The following ARL15 variants were observed in gnomAD, a reference collection of about 807,000 sequenced individuals.
ARL15 encodes ARF like GTPase 15.
ARL15 carries 19 observed loss-of-function variants against 25.2 expected under a neutral mutation model. The observed-to-expected ratio is 0.75, with a 90% CI of 0.53 to 1.10. The LOEUF (loss-of-function observed/expected upper bound fraction) is 1.10. Ranked by LOEUF, ARL15 falls within the 50% of genes least tolerant of loss-of-function variation. The probability of loss-of-function intolerance (pLI) is 0.00; values close to 1 mark genes in which losing one functional copy is unlikely to be tolerated. For synonymous variants in ARL15, 94 were observed against 86.8 expected (o/e 1.08, Z -0.46); for missense variants, 220 against 246.0 (o/e 0.89, Z 0.71).
At chr5:54,018,956 G>A (rs1269390243) in intron 4 of ARL15, among the ~76,000 whole-genome samples, 1 of 152,088 alleles carries the variant, frequency 6.6e-6, no homozygotes, top group African/African-American at 2.4e-5. Context: ...AATGCATGTA[G>A]GCTAAATTAA....
intron 4 of ARL15, among the ~76,000 whole-genome samples, chr5:53,897,634 T>C (rs1744916232): frequency 6.6e-6 from 1 of 152,246 alleles, no homozygotes; most frequent in African/African-American, 2.4e-5. Flanking sequence ...GTCAAATGCT[T>C]TTCCTGCATT....
chr5:54,055,179 C>A (rs1377667522), intron 4 of ARL15, among the ~76,000 whole-genome samples: 1 of 152,144 alleles, frequency 6.6e-6, no homozygotes, highest in African/African-American at 2.4e-5. Context: ...CTCCCTGGCC[C>A]TAGGCAACCA....
intron 1 of ARL15, among the ~76,000 whole-genome samples, chr5:54,233,247 G>C (rs746989611): frequency 4.6e-5 from 7 of 152,140 alleles, no homozygotes; most frequent in Non-Finnish European, 1.0e-4. Flanking sequence ...AAGTACTCGT[G>C]AACCTAACTA....
chr5:54,106,334 G>A (rs1185566027), intron 4 of ARL15, among the ~76,000 whole-genome samples: 1 of 152,152 alleles, frequency 6.6e-6, no homozygotes, highest in Non-Finnish European at 1.5e-5. Flanking sequence ...TGAGTAAAGA[G>A]AGAGTAAGGA....
chr5:53,993,702 C>G (rs145314068), intron 4 of ARL15, among the ~76,000 whole-genome samples: 1 of 152,162 alleles, frequency 6.6e-6, no homozygotes, highest in Admixed American at 6.5e-5. Context: ...AAGCCTCCCA[C>G]ACAATTCTAG....
intron 4 of ARL15, among the ~76,000 whole-genome samples, chr5:53,929,925 G>A (rs778003036): frequency 3.9e-5 from 6 of 152,012 alleles, no homozygotes; most frequent in Non-Finnish European, 7.3e-5. Context: ...AACCTGAAGT[G>A]CTCTCTTTAC....
chr5:53,970,366 G>A lies in ARL15; in HGVS notation c.463-83653C>T, dbSNP rs367932648. The stretch of plus-strand genomic sequence containing the variant: ...ATCACTCAGCTTCTACCATACATTT[G>A]AAACCAAAATCATGTTTTCTTTGAA... On this transcript the variant is annotated intron_variant, in intron 4 of 4. Coordinates refer to ENST00000504924, the MANE Select transcript of ARL15 (RefSeq NM_019087.3). Among the ~76,000 whole-genome samples, 12 of 152,184 alleles carry A rather than the reference G, an allele frequency of 7.9e-5. No individual in the cohort carries two copies. The South Asian group carries it at 2.5e-3, about 32-fold the overall frequency.
intron 4 of ARL15, among the ~76,000 whole-genome samples, chr5:53,946,720 T>C (rs1649571964): frequency 6.6e-6 from 1 of 152,058 alleles, no homozygotes; most frequent in Non-Finnish European, 1.5e-5. Flanking sequence ...GCCCCCAATT[T>C]GGGGAAAATG....
chr5:54,004,014 C>G (rs567512007), intron 4 of ARL15, among the ~76,000 whole-genome samples: 21 of 152,282 alleles, frequency 1.4e-4, no homozygotes, highest in African/African-American at 4.3e-4. Flanking sequence ...CTCACTAACT[C>G]CACCTTAAAA....
At chr5:54,156,793 T>C (rs1315305954) in intron 2 of ARL15, among the ~76,000 whole-genome samples, 1 of 152,180 alleles carries the variant, frequency 6.6e-6, no homozygotes, top group African/African-American at 2.4e-5. Flanking sequence ...AGTCACTGAA[T>C]CCTAGTAAAT....
intron 4 of ARL15, among the ~76,000 whole-genome samples, chr5:54,099,666 C>A (rs1301814526): frequency 6.6e-6 from 1 of 151,944 alleles, no homozygotes; most frequent in Non-Finnish European, 1.5e-5. Flanking sequence ...GATATAATTG[C>A]CTTATGGAAC....
At chr5:54,121,893 G>A (rs560318505) in intron 3 of ARL15, among the ~76,000 whole-genome samples, 39 of 152,150 alleles carry the variant, frequency 2.6e-4, no homozygotes, top group Non-Finnish European at 4.6e-4. Context: ...CGTAGAATAT[G>A]CTAACTGTTC....
intron 4 of ARL15, among the ~76,000 whole-genome samples, chr5:53,923,726 G>T (rs1022551955): frequency 6.6e-6 from 1 of 152,002 alleles, no homozygotes; most frequent in African/African-American, 2.4e-5. Flanking sequence ...TTAGCCAGGC[G>T]TGGTGGCGGG....
intron 4 of ARL15, among the ~76,000 whole-genome samples, chr5:53,897,544 T>C (rs537050560): frequency 6.6e-6 from 1 of 152,366 alleles, no homozygotes; most frequent in African/African-American, 2.4e-5. Flanking sequence ...TATGAGCAGT[T>C]TTGTGTAAAC....
intron 4 of ARL15, among the ~76,000 whole-genome samples, chr5:54,036,671 G>C (rs943219929): frequency 3.3e-5 from 5 of 152,136 alleles, no homozygotes; most frequent in Admixed American, 2.6e-4. Flanking sequence ...TGGATAAAAG[G>C]GATGGGATGA....
At chr5:54,200,698 A>G (rs1341206076) in intron 1 of ARL15, among the ~76,000 whole-genome samples, 1 of 152,176 alleles carries the variant, frequency 6.6e-6, no homozygotes, top group South Asian at 2.1e-4. Context: ...TCATGGTATG[A>G]CTGAGAGAAA....
At chr5:53,974,915 G>A (rs914018248) in intron 4 of ARL15, among the ~76,000 whole-genome samples, 2 of 152,096 alleles carry the variant, frequency 1.3e-5, no homozygotes, top group Non-Finnish European at 2.9e-5. Context: ...CTGTCTGTGA[G>A]GTGGTAATCA....
chr5:54,196,037 T>C (rs1428892675), intron 1 of ARL15, among the ~76,000 whole-genome samples: 2 of 152,286 alleles, frequency 1.3e-5, no homozygotes, highest in East Asian at 3.9e-4. Flanking sequence ...CAGAAAAGGA[T>C]TCTACCTGAC....
intron 4 of ARL15, among the ~76,000 whole-genome samples, chr5:54,103,793 A>C (rs1752510031): frequency 6.6e-6 from 1 of 152,214 alleles, no homozygotes; most frequent in African/African-American, 2.4e-5. Context: ...AAAAGATGAA[A>C]GCAGGTATCT....
Sources: allele counts gnomAD v4.1 joint callset (sites outside exome capture counted in the v4.1 genomes callset), GRCh38; gene constraint gnomAD v4.1.1; transcripts MANE v1.5; gene names NCBI Gene and HGNC (gene_info 2026-07-23, HGNC 2026-07-21).